CSMD1: variants seen among roughly 807,000 people sequenced by gnomAD.
CSMD1 encodes the protein CUB and Sushi multiple domains 1, also known as CUB and sushi domain-containing protein 1.
In CSMD1, 213 loss-of-function variants were observed where a neutral mutation model predicts 417.5. The ratio of observed to expected loss-of-function variants is 0.51; its 90% confidence interval spans 0.46 to 0.57. The LOEUF (loss-of-function observed/expected upper bound fraction) is 0.57. Among genes scored for constraint, CSMD1 ranks in the 20% least tolerant of loss-of-function variants. The pLI is 0.00. For missense variants in CSMD1, 6,923 were observed against 4,529.7 expected (o/e 1.53, Z -15.17); for synonymous variants, 2,862 against 1,736.8 (o/e 1.65, Z -16.11).
chr8:4,443,642 C>A (rs575337259), intron 2 of CSMD1, among the ~76,000 whole-genome samples: 1 of 152,172 alleles, frequency 6.6e-6, no homozygotes, highest in African/African-American at 2.4e-5. Flanking sequence ...ACAGCCATGC[C>A]GTTGACGTGC....
intron 13 of CSMD1, 54 bp from the exon 14 acceptor site, chr8:3,408,279 C>A: frequency 2.2e-6 from 3 of 1,375,810 alleles, no homozygotes; most frequent in Non-Finnish European, 3.0e-6. Context: ...CAAAGAATTG[C>A]CATGTGAAAC....
chr8:3,863,320 C>G (rs1267959148), intron 5 of CSMD1, among the ~76,000 whole-genome samples: 1 of 151,168 alleles, frequency 6.6e-6, no homozygotes, highest in Non-Finnish European at 1.5e-5. Flanking sequence ...TCGCTTGAAC[C>G]CAGGAGATGG....
intron 7 of CSMD1, among the ~76,000 whole-genome samples, chr8:3,653,320 T>C (rs1250651781): frequency 6.6e-6 from 1 of 152,150 alleles, no homozygotes; most frequent in East Asian, 1.9e-4. Flanking sequence ...CTTTTGTTGT[T>C]GTTGTTGTTT....
intron 1 of CSMD1, among the ~76,000 whole-genome samples, chr8:4,660,702 A>T (rs1246864650): frequency 1.3e-5 from 2 of 150,610 alleles, no homozygotes; most frequent in Non-Finnish European, 3.0e-5. Context: ...TACAGACCGC[A>T]GAAAGTATTT....
chr8:3,185,561 C>G (rs1376846362), intron 36 of CSMD1, among the ~76,000 whole-genome samples: 1 of 152,108 alleles, frequency 6.6e-6, no homozygotes. Flanking sequence ...GAAAAATTAA[C>G]CTATTTCTAA....
intron 4 of CSMD1, among the ~76,000 whole-genome samples, chr8:4,008,400 A>G (rs375500644): frequency 6.6e-6 from 1 of 151,758 alleles, no homozygotes; most frequent in East Asian, 1.9e-4. Context: ...TCAGACACTA[A>G]TATGTATTAT....
At chr8:3,807,151 A>G (rs1314157473) in intron 5 of CSMD1, among the ~76,000 whole-genome samples, 2 of 152,176 alleles carry the variant, frequency 1.3e-5, no homozygotes, top group African/African-American at 4.8e-5. Flanking sequence ...TTTAACCTTG[A>G]TCCACAGCCT....
chr8:3,761,500 A>ATTTT (rs57655479), intron 5 of CSMD1, among the ~76,000 whole-genome samples: 56 of 93,398 alleles, frequency 6.0e-4, no homozygotes, highest in East Asian at 3.3e-3. Context: ...CAAAACGACC[A>ATTTT]TTTTTTTTTT....
chr8:2,954,162 T>C, intron 65 of CSMD1, 62 bp downstream of exon 65: 1 of 892,486 alleles, frequency 1.1e-6, no homozygotes, highest in Non-Finnish European at 1.7e-6. Context: ...AGTTTCACTG[T>C]GCAGAGTAGA....
intron 5 of CSMD1, among the ~76,000 whole-genome samples, chr8:3,864,101 A>G (rs569985941): frequency 6.6e-5 from 10 of 152,216 alleles, no homozygotes; most frequent in African/African-American, 1.9e-4. Flanking sequence ...TTTTCACCTG[A>G]TTTTTAAAGC....
At chr8:3,461,995 T>C (rs1816535582) in intron 12 of CSMD1, among the ~76,000 whole-genome samples, 1 of 152,098 alleles carries the variant, frequency 6.6e-6, no homozygotes, top group Non-Finnish European at 1.5e-5. Flanking sequence ...GTTACACGTG[T>C]TCCTAGGAAA....
intron 25 of CSMD1, among the ~76,000 whole-genome samples, chr8:3,288,904 C>T (rs1312880272): frequency 6.8e-6 from 1 of 146,704 alleles, no homozygotes; most frequent in South Asian, 2.1e-4. Flanking sequence ...TATACATGTG[C>T]CATGCTGGTG....
At chr8:2,969,998 G>A (rs1444085163) in intron 57 of CSMD1, among the ~76,000 whole-genome samples, 1 of 152,060 alleles carries the variant, frequency 6.6e-6, no homozygotes, top group Non-Finnish European at 1.5e-5. Flanking sequence ...CAACATTTTT[G>A]TAACTTATTT....
chr8:4,924,162 T>C (rs970854845), intron 1 of CSMD1, among the ~76,000 whole-genome samples: 1 of 152,188 alleles, frequency 6.6e-6, no homozygotes, highest in African/African-American at 2.4e-5. Context: ...CGATGTTGAA[T>C]ACAGATTTGA....
intron 3 of CSMD1, among the ~76,000 whole-genome samples, chr8:4,307,511 G>A (rs780140277): frequency 3.3e-5 from 5 of 152,158 alleles, no homozygotes; most frequent in African/African-American, 4.8e-5. Flanking sequence ...ACCCTGTTAT[G>A]TCAACCATGC....
chr8:4,475,035 G>C (rs1209798023), intron 2 of CSMD1, among the ~76,000 whole-genome samples: 1 of 152,064 alleles, frequency 6.6e-6, no homozygotes, highest in Non-Finnish European at 1.5e-5. Flanking sequence ...CAATGCATAA[G>C]GGGTCAGTGT....
intron 17 of CSMD1, among the ~76,000 whole-genome samples, chr8:3,389,333 A>G (rs1811207348): frequency 6.6e-6 from 1 of 152,036 alleles, no homozygotes; most frequent in Non-Finnish European, 1.5e-5. Flanking sequence ...TGTTTTCATC[A>G]TTTAGCTCCC....
At chr8:4,582,908 G>A (rs1041475911) in intron 2 of CSMD1, among the ~76,000 whole-genome samples, 26 of 152,208 alleles carry the variant, frequency 1.7e-4, no homozygotes, top group African/African-American at 3.6e-4. Flanking sequence ...GGCTTGGCTG[G>A]CCCCACACTC....
chr8:4,536,538 G>T (rs1213600434), intron 2 of CSMD1, among the ~76,000 whole-genome samples: 1 of 152,112 alleles, frequency 6.6e-6, no homozygotes, highest in Non-Finnish European at 1.5e-5. Flanking sequence ...TGTATACAGA[G>T]ATATTGCATT....
Sources: gnomAD v4.1 joint callset for allele counts (sites outside exome capture counted in the v4.1 genomes callset) on GRCh38, gnomAD v4.1.1 for gene constraint, MANE v1.5 for transcripts, NCBI Gene and HGNC (gene_info 2026-07-23, HGNC 2026-07-21) for gene names.